Variants in TLK1 observed in about 807,000 individuals in gnomAD.
TLK1 encodes the protein tousled like kinase 1.
Under a neutral mutation model 105.3 loss-of-function variants are expected in TLK1, and 24 were observed. The observed-to-expected ratio is 0.23, with a 90% CI of 0.17 to 0.32. The LOEUF (loss-of-function observed/expected upper bound fraction) is 0.32. Among genes scored for constraint, TLK1 ranks in the 10% least tolerant of loss-of-function variants. TLK1 has a pLI of 1.00. For synonymous variants in TLK1, 321 were observed against 310.4 expected, an observed-to-expected ratio of 1.03 and a Z score of -0.36; for missense variants, 558 against 910.5, an observed-to-expected ratio of 0.61 and a Z score of 4.98.
chr2:171,115,364 C>T (rs778468394), intron 2 of TLK1, among the ~76,000 whole-genome samples: 1 of 151,712 alleles, frequency 6.6e-6, no homozygotes, highest in Non-Finnish European at 1.5e-5. Context: ...TTAATAGAGA[C>T]GGGGTTTCTC....
intron 1 of TLK1, among the ~76,000 whole-genome samples, chr2:171,223,721 CT>C (rs1370574821): frequency 6.6e-6 from 1 of 151,904 alleles, no homozygotes; most frequent in East Asian, 1.9e-4. Flanking sequence ...CTCAGGTGAT[CT>C]GCTTGCCTTA....
At chr2:171,007,585 TA>T in intron 14 of TLK1, among the ~76,000 whole-genome samples, 1 of 152,212 alleles carries the variant, frequency 6.6e-6, no homozygotes, top group African/African-American at 2.4e-5. Flanking sequence ...TAGACTACTA[TA>T]ATGTGCCCTT....
chr2:171,117,662 T>C (rs1445369910), intron 2 of TLK1, 77 bp downstream of exon 2: 9 of 1,153,086 alleles, frequency 7.8e-6, no homozygotes, highest in South Asian at 1.4e-5. Flanking sequence ...GCACGTTATG[T>C]AGGAATCCTT....
At chr2:171,087,993 A>G (rs1487339497) in intron 2 of TLK1, among the ~76,000 whole-genome samples, 8 of 152,202 alleles carry the variant, frequency 5.3e-5, no homozygotes, top group African/African-American at 7.2e-5. Flanking sequence ...GGGAGATTCT[A>G]TAAGTCCCTC....
chr2:171,217,898 A>G (rs1240356826), intron 1 of TLK1, among the ~76,000 whole-genome samples: 1 of 152,248 alleles, frequency 6.6e-6, no homozygotes, highest in Non-Finnish European at 1.5e-5. Context: ...AAGATGGGGA[A>G]GAATACCGTA....
chr2:171,130,338 G>A (rs970196559), intron 1 of TLK1, among the ~76,000 whole-genome samples: 8 of 152,116 alleles, frequency 5.3e-5, no homozygotes, highest in Admixed American at 2.0e-4. Flanking sequence ...GGAGGCGGAG[G>A]CTGCAGTAAG....
chr2:171,101,120 G>A (rs1689670467), intron 2 of TLK1, among the ~76,000 whole-genome samples: 1 of 152,016 alleles, frequency 6.6e-6, no homozygotes, highest in South Asian at 2.1e-4. Flanking sequence ...GGCCAAGGAG[G>A]GTGGATCATG....
At chr2:171,158,897 A>G (rs1692338739) in intron 1 of TLK1, among the ~76,000 whole-genome samples, 1 of 152,228 alleles carries the variant, frequency 6.6e-6, no homozygotes, top group Non-Finnish European at 1.5e-5. Flanking sequence ...AACGTCTGTC[A>G]ATGTATTCCG....
chr2:171,060,347 C>T (rs561239512), intron 4 of TLK1, among the ~76,000 whole-genome samples: 2 of 152,250 alleles, frequency 1.3e-5, no homozygotes, highest in East Asian at 1.9e-4. Context: ...AAATACAATA[C>T]ACCTCAGAAA....
At chr2:171,059,025 A>G (rs1002176669) in intron 4 of TLK1, among the ~76,000 whole-genome samples, 1 of 152,214 alleles carries the variant, frequency 6.6e-6, no homozygotes, top group African/African-American at 2.4e-5. Context: ...AAGATGAAAA[A>G]CAGTATTCTT....
At chr2:171,007,933 A>G (rs551276881) in intron 14 of TLK1, among the ~76,000 whole-genome samples, 68 of 152,240 alleles carry the variant, frequency 4.5e-4, no homozygotes, top group Non-Finnish European at 8.1e-4. Flanking sequence ...ACAGCTTTAC[A>G]TGACTTATGT....
intron 2 of TLK1, among the ~76,000 whole-genome samples, chr2:171,109,775 T>C (rs755581669): frequency 2.6e-5 from 4 of 152,204 alleles, no homozygotes; most frequent in South Asian, 2.1e-4. Context: ...GGTATATCCA[T>C]ACAGTGGAAT....
intron 1 of TLK1, among the ~76,000 whole-genome samples, chr2:171,218,885 C>T (rs116064482): frequency 0.013 from 1,909 of 152,232 alleles, 31 homozygotes; most frequent in Admixed American, 0.022. Flanking sequence ...GGAGGGAACA[C>T]AAACATTCAA....
chr2:170,998,174 T>C (rs1684174724), intron 18 of TLK1, among the ~76,000 whole-genome samples: 2 of 152,126 alleles, frequency 1.3e-5, no homozygotes, highest in Admixed American at 6.5e-5. Context: ...CAGTATCTAA[T>C]AATAGTAGAA....
intron 1 of TLK1, among the ~76,000 whole-genome samples, chr2:171,135,719 T>C (rs1488909841): frequency 6.6e-6 from 1 of 151,914 alleles, no homozygotes; most frequent in Admixed American, 6.6e-5. Flanking sequence ...GGAGAATCGC[T>C]TGAACCCGGG....
intron 1 of TLK1, among the ~76,000 whole-genome samples, chr2:171,119,722 A>C (rs1436725596): frequency 1.3e-5 from 2 of 152,234 alleles, no homozygotes; most frequent in Non-Finnish European, 2.9e-5. Context: ...TTAGTGGAGA[A>C]AGATCAGTCT....
chr2:171,045,735 G>GA (rs1686932064), intron 11 of TLK1: 1 of 153,254 alleles, frequency 6.5e-6, no homozygotes, highest in Non-Finnish European at 1.4e-5. Context: ...AGAAAATCCA[G>GA]AAAACAAAGA....
intron 1 of TLK1, among the ~76,000 whole-genome samples, chr2:171,171,135 C>T (rs1013702981): frequency 6.6e-6 from 1 of 152,022 alleles, no homozygotes; most frequent in Non-Finnish European, 1.5e-5. Flanking sequence ...ATGTGCTAAC[C>T]ATATGGGATA....
At chr2:171,011,978 C>T (rs919692303) in intron 13 of TLK1, among the ~76,000 whole-genome samples, 1 of 151,862 alleles carries the variant, frequency 6.6e-6, no homozygotes, top group African/African-American at 2.4e-5. Context: ...AATACTACTA[C>T]TATTACTACT....
Sources: gnomAD v4.1 joint callset for allele counts (sites outside exome capture counted in the v4.1 genomes callset) on GRCh38, gnomAD v4.1.1 for gene constraint, MANE v1.5 for transcripts, NCBI Gene and HGNC (gene_info 2026-07-23, HGNC 2026-07-21) for gene names.